Variants in CEP112 observed in about 807,000 individuals in gnomAD.
CEP112 encodes centrosomal protein 112.
In CEP112, 127 loss-of-function variants were observed where a neutral mutation model predicts 153.0. The ratio of observed to expected loss-of-function variants is 0.83; its 90% CI spans 0.72 to 0.96. The LOEUF is 0.96. Among genes scored for constraint, CEP112 ranks in the 40% least tolerant of loss-of-function variants. The pLI is 0.00. For synonymous variants in CEP112, 358 were observed against 374.4 expected, an observed-to-expected ratio of 0.96 and a Z score of 0.51; for missense variants, 1,089 against 1,101.2, an observed-to-expected ratio of 0.99 and a Z score of 0.16.
intron 21 of CEP112, among the ~76,000 whole-genome samples, chr17:65,843,612 T>A (rs751108483): frequency 6.6e-6 from 1 of 152,230 alleles, no homozygotes; most frequent in Admixed American, 6.5e-5. Flanking sequence ...TTATGCCATA[T>A]GGAGCTTTTC....
Position 66,052,063 on chromosome 17 carries a change from T to C in CEP112, c.1218+1673A>G, listed in dbSNP as rs973931394. On this transcript the variant is annotated intron_variant, in intron 12 of 26. Coordinates refer to ENST00000535342, the MANE Select transcript of CEP112 (RefSeq NM_001199165.4). ...ATGAAGTATAGGGTATTTCATGTAATTTACTGAATACTGTATTGAAAGTGA... is the reference window on the plus strand; with the variant it reads ...ATGAAGTATAGGGTATTTCATGTAACTTACTGAATACTGTATTGAAAGTGA... Among the ~76,000 whole-genome samples, 19 of 152,294 alleles carry C rather than the reference T, an allele frequency of 1.2e-4. No homozygotes were observed. The South Asian group carries it at 1.9e-3, about 15-fold the overall frequency.
At chr17:65,685,106 A>G (rs1319934041) in intron 24 of CEP112, among the ~76,000 whole-genome samples, 1 of 152,206 alleles carries the variant, frequency 6.6e-6, no homozygotes, top group Non-Finnish European at 1.5e-5. Flanking sequence ...TGTGCCCCAC[A>G]ATGAGCACAT....
At chr17:65,744,596 A>G (rs557642578) in intron 22 of CEP112, among the ~76,000 whole-genome samples, 94 of 152,282 alleles carry the variant, frequency 6.2e-4, no homozygotes, top group African/African-American at 2.0e-3. Flanking sequence ...GGAAGTTTAT[A>G]CTTCCAAATA....
intron 23 of CEP112, among the ~76,000 whole-genome samples, chr17:65,717,508 GT>G (rs1309646625): frequency 1.3e-5 from 2 of 152,158 alleles, no homozygotes; most frequent in African/African-American, 2.4e-5. Flanking sequence ...CTTTTGGTTG[GT>G]TTTTCCTCCC....
chr17:65,691,779 T>A (rs527353707), intron 23 of CEP112, among the ~76,000 whole-genome samples: 10 of 152,352 alleles, frequency 6.6e-5, no homozygotes, highest in African/African-American at 2.4e-4. Context: ...GGGAAAGTAA[T>A]GATTACTGTA....
chr17:66,018,552 C>T (rs1170155236), intron 16 of CEP112, among the ~76,000 whole-genome samples: 1 of 152,170 alleles, frequency 6.6e-6, no homozygotes, highest in Non-Finnish European at 1.5e-5. Context: ...TGCATAACTT[C>T]TATAAATCTT....
chr17:66,054,770 GTT>G (rs1158281393), intron 11 of CEP112, among the ~76,000 whole-genome samples: 1 of 152,010 alleles, frequency 6.6e-6, no homozygotes, highest in Admixed American at 6.6e-5. Flanking sequence ...TTTTGTTTTT[GTT>G]TTGAGATGGA....
At chr17:65,692,371 G>T (rs910120380) in intron 23 of CEP112, among the ~76,000 whole-genome samples, 1 of 151,830 alleles carries the variant, frequency 6.6e-6, no homozygotes, top group African/African-American at 2.4e-5. Flanking sequence ...GGGATTAAAG[G>T]CATGTGCCAC....
chr17:65,926,242 C>T (rs539696891), intron 19 of CEP112, among the ~76,000 whole-genome samples: 6 of 152,222 alleles, frequency 3.9e-5, no homozygotes, highest in Admixed American at 2.0e-4. Context: ...GATTTTTGAA[C>T]GTGCAGTTCC....
At chr17:65,686,850 A>G (rs927583998) in intron 24 of CEP112, among the ~76,000 whole-genome samples, 4 of 129,902 alleles carry the variant, frequency 3.1e-5, no homozygotes, top group Non-Finnish European at 4.6e-5. Context: ...TACTTTCTCT[A>G]TCATTGCTAT....
At chr17:65,868,621 A>T (rs985682018) in intron 20 of CEP112, among the ~76,000 whole-genome samples, 1 of 152,208 alleles carries the variant, frequency 6.6e-6, no homozygotes, top group African/African-American at 2.4e-5. Context: ...ACATTAAAAA[A>T]CAGAATATAT....
At chr17:65,971,048 A>T (rs551015324) in intron 17 of CEP112, among the ~76,000 whole-genome samples, 16 of 152,220 alleles carry the variant, frequency 1.1e-4, no homozygotes, top group Non-Finnish European at 2.4e-4. Flanking sequence ...GGCTTGTATT[A>T]CATGTCTATT....
chr17:65,737,984 C>G (rs376747216), intron 23 of CEP112, among the ~76,000 whole-genome samples: 1 of 152,300 alleles, frequency 6.6e-6, no homozygotes, highest in South Asian at 2.1e-4. Flanking sequence ...CTCATAGCAA[C>G]CTTAAATGCT....
In CEP112 at chr17:65,961,446, T is replaced by C. The variant is rs755982524; in HGVS notation, c.1872+17A>G. On this transcript the variant is annotated intron_variant, in intron 18 of 26. Coordinates refer to ENST00000535342, the MANE Select transcript of CEP112 (RefSeq NM_001199165.4). ...AGAGAGTGACTTTCAAAAGGGATGG[T>C]GTGGCAGCCTCCTTACCTGCTCTTT... is the stretch of plus-strand genomic sequence containing the variant. 1 of 1,580,810 alleles carries C rather than the reference T, an allele frequency of 6.3e-7. No individual in the cohort carries two copies. Among genetic ancestry groups the C allele is most frequent in the South Asian group, 1.1e-5 (1 of 88,210 alleles).
intron 24 of CEP112, among the ~76,000 whole-genome samples, chr17:65,642,306 G>A (rs1198682746): frequency 6.6e-6 from 1 of 152,150 alleles, no homozygotes; most frequent in Non-Finnish European, 1.5e-5. Context: ...CTGGAAATAG[G>A]CAATATACTA....
chr17:66,187,729 C>T (rs2072992290), intron 1 of CEP112, among the ~76,000 whole-genome samples: 1 of 152,126 alleles, frequency 6.6e-6, no homozygotes, highest in Admixed American at 6.5e-5. Flanking sequence ...ATGCCATTCA[C>T]CCTTAAATTT....
intron 23 of CEP112, among the ~76,000 whole-genome samples, chr17:65,695,411 C>G (rs1047357180): frequency 2.0e-5 from 3 of 152,134 alleles, no homozygotes; most frequent in Admixed American, 6.5e-5. Flanking sequence ...AGTATCTAGT[C>G]AATGCTATTT....
intron 24 of CEP112, among the ~76,000 whole-genome samples, chr17:65,659,071 A>G (rs1443163873): frequency 6.7e-6 from 1 of 148,860 alleles, no homozygotes; most frequent in Non-Finnish European, 1.5e-5. Context: ...CCTGCCTTGA[A>G]TATCACCACC....
At chr17:66,010,329 C>T (rs1265309238) in intron 16 of CEP112, among the ~76,000 whole-genome samples, 2 of 152,040 alleles carry the variant, frequency 1.3e-5, no homozygotes, top group Non-Finnish European at 2.9e-5. Context: ...AAAAATATAG[C>T]TTTTTTATCA....
Sources: allele counts gnomAD v4.1 joint callset (sites outside exome capture counted in the v4.1 genomes callset), GRCh38; gene constraint gnomAD v4.1.1; transcripts MANE v1.5; gene names NCBI Gene and HGNC (gene_info 2026-07-23, HGNC 2026-07-21).